TRERF1: variants seen among roughly 807,000 people sequenced by gnomAD.
TRERF1 encodes transcriptional-regulating factor 1.
TRERF1 carries 27 observed loss-of-function variants against 122.9 expected under a neutral mutation model. That is an observed-to-expected ratio of 0.22 (90% CI 0.16 to 0.30). The LOEUF is 0.30. TRERF1 is among the 10% of genes least tolerant of loss of function. TRERF1 has a pLI of 1.00. For missense variants in TRERF1, 1,248 were observed against 1,560.3 expected, an observed-to-expected ratio of 0.80 and a Z score of 3.37; for synonymous variants, 636 against 641.7, an observed-to-expected ratio of 0.99 and a Z score of 0.13.
At chr6:42,363,693 T>TTCTTC (rs1772206013) in intron 2 of TRERF1, among the ~76,000 whole-genome samples, 1 of 152,136 alleles carries the variant, frequency 6.6e-6, no homozygotes, top group African/African-American at 2.4e-5. Flanking sequence ...CCTACTGAAG[T>TTCTTC]AGGATGGGGG....
chr6:42,389,584 G>T (rs2151228444), intron 2 of TRERF1, among the ~76,000 whole-genome samples: 1 of 152,302 alleles, frequency 6.6e-6, no homozygotes, highest in South Asian at 2.1e-4. Context: ...GTAAGCATGG[G>T]CTCACCATTC....
intron 2 of TRERF1, among the ~76,000 whole-genome samples, chr6:42,402,721 A>G (rs145132643): frequency 6.6e-6 from 1 of 152,348 alleles, no homozygotes; most frequent in Non-Finnish European, 1.5e-5. Flanking sequence ...CACCTACTAC[A>G]TCAGACACCA....
chr6:42,333,252 T>C (rs767454177), intron 3 of TRERF1, among the ~76,000 whole-genome samples: 12 of 152,246 alleles, frequency 7.9e-5, no homozygotes, highest in African/African-American at 1.2e-4. Context: ...TCATTTCATA[T>C]GAATCACTTT....
At chr6:42,342,880 C>A (rs1767557233) in intron 3 of TRERF1, among the ~76,000 whole-genome samples, 3 of 152,180 alleles carry the variant, frequency 2.0e-5, no homozygotes. Context: ...CTTTTCTAGG[C>A]CCAATTTCTC....
At chr6:42,349,990 G>A (rs1383681388) in intron 3 of TRERF1, among the ~76,000 whole-genome samples, 3 of 152,066 alleles carry the variant, frequency 2.0e-5, no homozygotes, top group Non-Finnish European at 2.9e-5. Context: ...GAGGAAAATC[G>A]TATTAGATTC....
In TRERF1 at chr6:42,259,236, C is replaced by A; in HGVS notation, c.2269+103G>T. ...GCGCGTGCTACATACAGCCAATACT[C>A]CGCAAAAGTCTGTGGGATAAATGAG... On this transcript the variant is annotated intron_variant, in intron 9 of 17. Transcript: ENST00000372922. The surrounding 1 kb of genome is among the most constrained non-coding windows in gnomAD (Gnocchi z 4.9). The A allele has an allele frequency of 2.1e-6, 3 of 1,413,344 alleles. No homozygotes were observed. The highest frequency in any genetic ancestry group is 2.8e-6 in the Non-Finnish European group (3 of 1,083,130). 87.6% of individuals were successfully genotyped at this position (1,413,344 alleles called of 1,614,324 possible). A position where few individuals can be genotyped will look rare whatever the true frequency, so the allele number is the denominator to read the frequency against.
chr6:42,380,932 G>T (rs1486886806), intron 2 of TRERF1, among the ~76,000 whole-genome samples: 1 of 152,198 alleles, frequency 6.6e-6, no homozygotes, highest in Non-Finnish European at 1.5e-5. Context: ...AAAGTTAGGG[G>T]TTTAAGAATG....
chr6:42,296,342 C>G (rs1454257927), intron 4 of TRERF1, among the ~76,000 whole-genome samples: 1 of 152,194 alleles, frequency 6.6e-6, no homozygotes, highest in African/African-American at 2.4e-5. Context: ...ATTTTAATCT[C>G]ATTTTATAAA....
At chr6:42,242,749 G>A (rs1053805706) in intron 15 of TRERF1, among the ~76,000 whole-genome samples, 98 of 152,192 alleles carry the variant, frequency 6.4e-4, no homozygotes, top group African/African-American at 2.3e-3. Flanking sequence ...TACATGCAGC[G>A]AATTAGTTCC....
intron 4 of TRERF1, among the ~76,000 whole-genome samples, chr6:42,290,823 T>A (rs1784206997): frequency 7.7e-6 from 1 of 129,062 alleles, no homozygotes; most frequent in South Asian, 2.4e-4. Flanking sequence ...GATGGGGAAA[T>A]CAGTGCTGGG....
chr6:42,290,477 A>T (rs1005621732), intron 4 of TRERF1, among the ~76,000 whole-genome samples: 1 of 152,012 alleles, frequency 6.6e-6, no homozygotes, highest in Non-Finnish European at 1.5e-5. Context: ...ACTCTAAATC[A>T]TCCAAGTGTG....
chr6:42,328,176 T>G (rs1301444506), intron 3 of TRERF1, among the ~76,000 whole-genome samples: 2 of 151,764 alleles, frequency 1.3e-5, no homozygotes, highest in African/African-American at 4.8e-5. Flanking sequence ...CCCAGCTAAT[T>G]TTTGTATTTT....
Position 42,332,232 on chromosome 6 carries a change from C to T in TRERF1, c.-371+30765G>A, listed in dbSNP as rs752987726. ...TGCTGGTATTACAGGCGTGTGCCAC[C>T]GCGCCCAGCGGGGAAACATTCTAAA... On this transcript the variant is annotated intron_variant, in intron 3 of 17. Transcript: ENST00000372922. Among the ~76,000 whole-genome samples, 5 of 152,350 alleles carry T rather than the reference C, an allele frequency of 3.3e-5. No homozygotes were observed. In the East Asian group the frequency reaches 5.8e-4, roughly 18 times the overall value.
chr6:42,326,161 C>A (rs1764255410), intron 3 of TRERF1, among the ~76,000 whole-genome samples: 1 of 151,888 alleles, frequency 6.6e-6, no homozygotes, highest in Non-Finnish European at 1.5e-5. Flanking sequence ...ACTCTCAAAT[C>A]TAGAGGAAAA....
Position 42,361,883 on chromosome 6 carries a change from G to GC in TRERF1, c.-371+1113dup, listed in dbSNP as rs1220595159. Among the ~76,000 whole-genome samples the GC allele has an allele frequency of 2.0e-5, 3 of 152,198 alleles. No individual in the cohort carries two copies. In the East Asian group the frequency reaches 5.8e-4, roughly 29 times the overall value. On this transcript the variant is annotated intron_variant, in intron 3 of 17. Coordinates refer to ENST00000372922, the Ensembl canonical transcript of TRERF1. ...TGAGGCTGCCTAATGGGAGGCACTG[G>GC]CATCAGGAGATGGGAGATCCAAGGG...
Position 42,259,136 on chromosome 6 carries a change from A to G in TRERF1, c.2269+203T>C, listed in dbSNP as rs1303768748. Among the ~76,000 whole-genome samples the G allele has an allele frequency of 9.2e-5, 14 of 152,168 alleles. No individual in the cohort carries two copies. The highest frequency in any genetic ancestry group is 1.5e-5 in the Non-Finnish European group (1 of 68,030). On this transcript the variant is annotated intron_variant, in intron 9 of 17. Transcript: ENST00000372922. This position sits in a 1 kb window ranked among gnomAD's most constrained non-coding sequence, Gnocchi z 4.9. ...AGAGACTGTAGTGATCACTTTATGC[A>G]TCTGTCTCCCAATTAGACTGCGATT...
At chr6:42,287,224 A>C (rs547879031) in intron 4 of TRERF1, among the ~76,000 whole-genome samples, 206 of 150,118 alleles carry the variant, frequency 1.4e-3, no homozygotes, top group African/African-American at 4.7e-3. Flanking sequence ...GCGCACCAGC[A>C]TGGCACATGT....
chr6:42,296,040 A>G (rs1785051631), intron 4 of TRERF1, among the ~76,000 whole-genome samples: 1 of 152,096 alleles, frequency 6.6e-6, no homozygotes, highest in African/African-American at 2.4e-5. Context: ...TCCTCAGAGC[A>G]GTAATGCCAT....
At chr6:42,381,704 G>C (rs959000134) in intron 2 of TRERF1, among the ~76,000 whole-genome samples, 1 of 151,676 alleles carries the variant, frequency 6.6e-6, no homozygotes. Flanking sequence ...CTCCCTCAAC[G>C]GAGGAGGGAA....
Sources: gnomAD v4.1 joint callset for allele counts (sites outside exome capture counted in the v4.1 genomes callset) on GRCh38, gnomAD v4.1.1 for gene constraint, Gnocchi (gnomAD v3.1) non-coding constraint, MANE v1.5 for transcripts, NCBI Gene and HGNC (gene_info 2026-07-23, HGNC 2026-07-21) for gene names.